The following MAP1B variants were observed in gnomAD, a reference collection of about 807,000 sequenced individuals.
The protein encoded by MAP1B is microtubule associated protein 1B.
MAP1B carries 12 observed loss-of-function variants against 176.1 expected under a neutral mutation model. The ratio of observed to expected loss-of-function variants is 0.07; its 90% CI spans 0.04 to 0.11. The LOEUF is 0.11. MAP1B is among the 10% of genes least tolerant of loss of function. The pLI is 1.00. For synonymous variants in MAP1B, 1,044 were observed against 1,135.0 expected (o/e 0.92, Z 1.61); for missense variants, 2,523 against 2,990.5 (o/e 0.84, Z 3.65).
rs2111892580 is a variant in MAP1B at position 72,199,429 on chromosome 5, A to G, written c.6074A>G (p.Tyr2025Cys). Residue 2025 changes from tyrosine to cysteine, a missense_variant, in exon 5 of 7, where the codon TAT becomes TGT. Coordinates refer to ENST00000296755, the MANE Select transcript of MAP1B (RefSeq NM_005909.5). The surrounding 1 kb of genome is among the most constrained non-coding windows in gnomAD (Gnocchi z 4.2). ...TTCCCTGAGTCTGAAGGTTATTCCT[A>G]TGAGACATCTACAAAGACAACACGA... is the stretch of plus-strand genomic sequence containing the variant. ...TSFPESEGYS[Y>C]ETSTKTTRTP... 1.2e-6 allele frequency: 2 copies of G among 1,614,154 alleles called. No homozygotes were observed. The highest frequency in any genetic ancestry group is 1.7e-6 in the Non-Finnish European group (2 of 1,180,024).
chr5:72,108,519 C>T (rs965492601), intron 1 of MAP1B, among the ~76,000 whole-genome samples: 1 of 152,218 alleles, frequency 6.6e-6, no homozygotes, highest in Non-Finnish European at 1.5e-5. Flanking sequence ...GCTCCTCGCC[C>T]GGTGCTCGCA....
intron 1 of MAP1B, among the ~76,000 whole-genome samples, chr5:72,108,039 C>T (rs1424949704): frequency 6.6e-6 from 1 of 152,196 alleles, no homozygotes; most frequent in Non-Finnish European, 1.5e-5. Flanking sequence ...AAGCCGCAAC[C>T]GCAGGAGGCA....
chr5:72,171,517 G>A (rs1347294644), intron 2 of MAP1B, among the ~76,000 whole-genome samples: 1 of 152,128 alleles, frequency 6.6e-6, no homozygotes, highest in Non-Finnish European at 1.5e-5. Flanking sequence ...TTGAGCCCAG[G>A]AGGTCGAGGC....
At chr5:72,138,276 A>G (rs1173849140) in intron 2 of MAP1B, among the ~76,000 whole-genome samples, 1 of 152,198 alleles carries the variant, frequency 6.6e-6, no homozygotes, top group Non-Finnish European at 1.5e-5. Flanking sequence ...TAAACGTATG[A>G]AAAATGTTCA....
At chr5:72,146,532 C>T (rs777200960) in intron 2 of MAP1B, among the ~76,000 whole-genome samples, 48 of 152,156 alleles carry the variant, frequency 3.2e-4, no homozygotes, top group Non-Finnish European at 5.7e-4. Context: ...TCTGTGTATG[C>T]GCCAATGTAA....
intron 2 of MAP1B, among the ~76,000 whole-genome samples, chr5:72,118,954 G>A (rs1323542484): frequency 6.6e-6 from 1 of 152,158 alleles, no homozygotes; most frequent in African/African-American, 2.4e-5. Flanking sequence ...TGTGCAAATG[G>A]CACAAGATTG....
chr5:72,183,753 C>T lies in MAP1B; in HGVS notation c.297C>T (p.Ile99=). The T allele has an allele frequency of 1.2e-6, 2 of 1,613,972 alleles. No homozygotes were observed. Among genetic ancestry groups the T allele is most frequent in the Non-Finnish European group, 1.7e-6 (2 of 1,179,874 alleles). ...RFSPEVPGQK[I]LHHRSDVLET... Reference sequence around the variant, plus strand: ...TTTTTGTGCCTGCAGGACAAAAGATCCTTCATCACCGAAGTGACGTTTTAG... The same window carrying T: ...TTTTTGTGCCTGCAGGACAAAAGATTCTTCATCACCGAAGTGACGTTTTAG... The change falls in exon 3 of 7, where the codon ATC becomes ATT. Residue 99 remains isoleucine (I), a synonymous_variant. Coordinates refer to ENST00000296755, the MANE Select transcript of MAP1B (RefSeq NM_005909.5).
Position 72,195,519 on chromosome 5 carries a change from A to G in MAP1B, c.2164A>G (p.Lys722Glu). ...TAAGAAGGAAGAGAAGAAGGAAGTG[A>G]AAAAGGAAGAAAAGGAACCCAAAAA... is the stretch of plus-strand genomic sequence containing the variant. ...EVKKEEKKEV[K>E]KEEKEPKKEI... The change falls in exon 5 of 7, where the codon AAA becomes GAA. Residue 722 changes from lysine to glutamate, a missense_variant. Around this residue, in one of 4 missense-constraint regions of MAP1B, gnomAD observed 1,925 missense variants for 2,126.0 expected, o/e 0.91. Coordinates refer to ENST00000296755, the MANE Select transcript of MAP1B (RefSeq NM_005909.5). 6.3e-7 allele frequency: 1 copy of G among 1,587,266 alleles called. No individual in the cohort carries two copies. Among genetic ancestry groups the G allele is most frequent in the Non-Finnish European group, 8.5e-7 (1 of 1,173,522 alleles).
At chr5:72,124,129 A>G (rs926831074) in intron 2 of MAP1B, among the ~76,000 whole-genome samples, 1 of 152,206 alleles carries the variant, frequency 6.6e-6, no homozygotes, top group Non-Finnish European at 1.5e-5. Context: ...GCTGCAACCC[A>G]GGACTAATTA....
rs775135016 is a variant in MAP1B at position 72,140,022 on chromosome 5, C to T, written c.286+24223C>T. On this transcript the variant is annotated intron_variant, in intron 2 of 6. Coordinates refer to ENST00000296755, the MANE Select transcript of MAP1B (RefSeq NM_005909.5). ...TGTCACCCAGGCTGGAGTGCAGTGG[C>T]GCGGTCTCAGCTCACTGCAACCTCC... 4.0e-4 allele frequency among the ~76,000 whole-genome samples: 61 copies of T among 151,946 alleles called. 1 individual carries two copies. Among genetic ancestry groups the T allele is most frequent in the South Asian group, 2.9e-3 (14 of 4,810 alleles).
At chr5:72,166,453 G>A (rs1312988732) in intron 2 of MAP1B, among the ~76,000 whole-genome samples, 1 of 152,158 alleles carries the variant, frequency 6.6e-6, no homozygotes, top group Non-Finnish European at 1.5e-5. Context: ...AAAATATTCC[G>A]TGTAGTCTAG....
chr5:72,134,754 C>G (rs1463370465), intron 2 of MAP1B, among the ~76,000 whole-genome samples: 1 of 151,764 alleles, frequency 6.6e-6, no homozygotes, highest in Non-Finnish European at 1.5e-5. Context: ...TCTCAAAGCT[C>G]ACAATGGCCT....
Position 72,198,611 on chromosome 5 carries a change from T to C in MAP1B, c.5256T>C (p.Asp1752=), listed in dbSNP as rs751600992. ...CTCTCCAAGAAGATACTCTATCCGATGTTGCTCCTCCCAGAGATATGTCCT... is the reference window on the plus strand; with the variant it reads ...CTCTCCAAGAAGATACTCTATCCGACGTTGCTCCTCCCAGAGATATGTCCT... ...ASPLQEDTLS[D]VAPPRDMSLY... Residue 1752 remains aspartate, a synonymous_variant, in exon 5 of 7, where the codon GAT becomes GAC. Transcript: ENST00000296755. 3 of 1,614,064 alleles carry C rather than the reference T, an allele frequency of 1.9e-6. No individual in the cohort carries two copies. The highest frequency in any genetic ancestry group is 2.7e-5 in the African/African-American group (2 of 74,928).
In MAP1B at chr5:72,200,262, A is replaced by G. The variant is rs776960962; in HGVS notation, c.6907A>G (p.Thr2303Ala). ...ATCTGTGGAAAAGGCAGCAAAACCC[A>G]CCACCACTCCTGAGGTCAAAGCTGC... ...KESVEKAAKP[T>A]TTPEVKAARG... The change falls in exon 5 of 7, where the codon ACC (threonine) becomes GCC (alanine). Residue 2303 changes from threonine (T) to alanine (A), a missense_variant. Physicochemically the swap from Thr to Ala is moderately conservative, Grantham distance 58. Around this residue, in one of 4 missense-constraint regions of MAP1B, gnomAD observed 287 missense variants for 401.5 expected, o/e 0.71. Transcript: ENST00000296755. 2.5e-6 allele frequency: 4 copies of G among 1,614,176 alleles called. No homozygotes were observed. The highest frequency in any genetic ancestry group is 3.4e-6 in the Non-Finnish European group (4 of 1,180,036).
intron 2 of MAP1B, among the ~76,000 whole-genome samples, chr5:72,124,916 A>G (rs1353860979): frequency 6.6e-6 from 1 of 152,234 alleles, no homozygotes; most frequent in Non-Finnish European, 1.5e-5. Flanking sequence ...AAGTGTATCC[A>G]TCAATGGGAA....
At chr5:72,190,980 TCAGAAA>T (rs1747013946) in intron 4 of MAP1B, among the ~76,000 whole-genome samples, 1 of 152,226 alleles carries the variant, frequency 6.6e-6, no homozygotes, top group Non-Finnish European at 1.5e-5. Context: ...CTGCATTTAA[TCAGAAA>T]AAGTAATTAA....
intron 2 of MAP1B, among the ~76,000 whole-genome samples, chr5:72,157,490 G>A (rs1471487104): frequency 6.6e-6 from 1 of 152,240 alleles, no homozygotes; most frequent in Non-Finnish European, 1.5e-5. Flanking sequence ...GCCAGTGAGA[G>A]CCAAGGGACA....
rs183520146 is a variant in MAP1B, at chr5:72,196,118, C to T, written c.2763C>T (p.Asp921=). The T allele has an allele frequency of 5.8e-5, 94 of 1,613,584 alleles. No individual in the cohort carries two copies. The highest frequency in any genetic ancestry group is 5.1e-4 in the Middle Eastern group (3 of 5,890). The change falls in exon 5 of 7, where the codon GAC becomes GAT. Residue 921 remains aspartate (D), a synonymous_variant. Transcript: ENST00000296755. This position sits in a 1 kb window ranked among gnomAD's most constrained non-coding sequence, Gnocchi z 5.3. ...AGCCCGTCGAGAAGCAGGGAGTAGA[C>T]GACATTGAAAAATTTGAAGATGAAG... ...ELEPVEKQGV[D]DIEKFEDEGA... is the part of the protein sequence containing the mutation.
intron 2 of MAP1B, among the ~76,000 whole-genome samples, chr5:72,157,685 G>A (rs937571010): frequency 1.3e-5 from 2 of 152,172 alleles, no homozygotes; most frequent in Non-Finnish European, 1.5e-5. Flanking sequence ...TAGACAGCCT[G>A]TACCTTCCTG....
Sources: allele counts gnomAD v4.1 joint callset (sites outside exome capture counted in the v4.1 genomes callset), GRCh38; gene constraint gnomAD v4.1.1; regional missense constraint gnomAD v4.1.1; non-coding constraint Gnocchi (gnomAD v3.1); transcripts MANE v1.5; gene names NCBI Gene and HGNC (gene_info 2026-07-23, HGNC 2026-07-21).